Variants in C3orf52 observed in about 807,000 individuals in gnomAD.
The protein encoded by C3orf52 is TPA-induced transmembrane protein.
In C3orf52, 22 loss-of-function variants were observed where a neutral mutation model predicts 24.8. The observed-to-expected ratio is 0.89, with a 90% CI of 0.63 to 1.27. The LOEUF is 1.27. C3orf52 is among the 50% of genes most tolerant of loss of function. The pLI is 0.00. For synonymous variants in C3orf52, 93 were observed against 100.2 expected (o/e 0.93, Z 0.43); for missense variants, 265 against 260.7 (o/e 1.02, Z -0.11).
chr3:112,116,107 G>A (rs1221661120), intron 5 of C3orf52, among the ~76,000 whole-genome samples: 1 of 152,164 alleles, frequency 6.6e-6, no homozygotes, highest in Non-Finnish European at 1.5e-5. Context: ...GAGAGAAGAG[G>A]AAAAAGCCCC....
At chr3:112,116,615 T>A in intron 5 of C3orf52, 27 bp from the exon 6 acceptor site, 1 of 1,526,114 alleles carries the variant, frequency 6.6e-7, no homozygotes, top group Non-Finnish European at 8.8e-7. Flanking sequence ...AATCAGTAAC[T>A]TTTGTTCATC....
In C3orf52 at chr3:112,113,051, G is replaced by A. The variant is rs376029195; in HGVS notation, c.555G>A (p.Glu185=). ...TTATGAAGTATATGATGAGTGAGGA[G>A]TTGGTGCTGGGCATTTTGCTACAGG... ...ENFMKYMMSE[E]LVLGILLQDF... The change falls in exon 5 of 6, where the codon GAG becomes GAA. Residue 185 remains glutamate, a synonymous_variant. Transcript: ENST00000264848. 1.2e-6 allele frequency: 2 copies of A among 1,609,854 alleles called. No homozygotes were observed. Among genetic ancestry groups the A allele is most frequent in the Non-Finnish European group, 1.7e-6 (2 of 1,178,168 alleles).
chr3:112,112,982 A>G lies in C3orf52; in HGVS notation c.486A>G (p.Val162=). ...CTTTCAGTGGTGAAAATGCCACAGT[A>G]ACGTATGACCTGCAATTTGGGGTTC... ...IVDFSGENAT[V]TYDLQFGVPS... is the part of the protein sequence containing the mutation. The change falls in exon 5 of 6, where the codon GTA becomes GTG. Residue 162 remains valine, a synonymous_variant. Coordinates refer to ENST00000264848, the MANE Select transcript of C3orf52 (RefSeq NM_024616.3). 6.2e-7 allele frequency: 1 copy of G among 1,607,560 alleles called. No individual in the cohort carries two copies. Among genetic ancestry groups the G allele is most frequent in the Non-Finnish European group, 8.5e-7 (1 of 1,176,830 alleles).
chr3:112,130,765 C>T, downstream of C3orf52: 1 of 513,140 alleles, frequency 1.9e-6, no homozygotes, highest in South Asian at 2.1e-5. Context: ...GATCCTAAAT[C>T]ATCTGATCCC....
chr3:112,103,081 G>A, intron 3 of C3orf52, 116 bp downstream of exon 3: 1 of 864,676 alleles, frequency 1.2e-6, no homozygotes, highest in Non-Finnish European at 1.8e-6. Context: ...TCTTTGTCTG[G>A]ATTTTAGCAG....
chr3:112,106,450 CCCATCCAGCAGCCCG>C (rs1315828676), intron 3 of C3orf52, among the ~76,000 whole-genome samples: 1 of 152,076 alleles, frequency 6.6e-6, no homozygotes, highest in Non-Finnish European at 1.5e-5. Flanking sequence ...ATGATCAGCC[CCCATCCAGCAGCCCG>C]CCAAGAGTTG....
intron 4 of C3orf52, among the ~76,000 whole-genome samples, chr3:112,111,140 C>T (rs1343827672): frequency 5.9e-5 from 9 of 152,140 alleles, no homozygotes; most frequent in Admixed American, 4.6e-4. Context: ...ACCAGGGAGT[C>T]GCAGGTTGCA....
intron 4 of C3orf52, chr3:112,123,692 C>T (rs34879456): frequency 0.031 from 50,095 of 1,614,046 alleles, 979 homozygotes; most frequent in South Asian, 0.07. Flanking sequence ...CAGCAGAGTT[C>T]CCTGATGGCC....
At chr3:112,125,188 C>T in intron 4 of C3orf52, 2 of 1,383,844 alleles carry the variant, frequency 1.4e-6, no homozygotes. Flanking sequence ...GTACTTCTAT[C>T]ATCATCTCAA....
chr3:112,107,407 G>A (rs538767146), intron 3 of C3orf52, among the ~76,000 whole-genome samples: 6 of 152,170 alleles, frequency 3.9e-5, no homozygotes, highest in African/African-American at 1.4e-4. Flanking sequence ...TAGTTCCCGA[G>A]TTTTCTAAAT....
At chr3:112,135,405 G>C (rs1358456285), downstream of C3orf52, 1 of 152,566 alleles carries the variant, frequency 6.6e-6, no homozygotes, top group African/African-American at 2.4e-5. Context: ...ATCTAAAACA[G>C]GCAGGAGAAG....
At chr3:112,103,838 A>G (rs1478923215) in intron 3 of C3orf52, among the ~76,000 whole-genome samples, 1 of 152,238 alleles carries the variant, frequency 6.6e-6, no homozygotes, top group Non-Finnish European at 1.5e-5. Context: ...TTGTGGTGAC[A>G]GCTGGCAGAG....
intron 4 of C3orf52, chr3:112,125,159 C>T (rs1265950445): frequency 4.9e-6 from 5 of 1,030,230 alleles, no homozygotes; most frequent in Non-Finnish European, 7.7e-6. Flanking sequence ...GCCAACTTCT[C>T]CTGCCATTTA....
rs551131483 is a variant in C3orf52 at position 112,105,364 on chromosome 3, C to T, written c.396+2399C>T. 2.0e-5 allele frequency among the ~76,000 whole-genome samples: 3 copies of T among 152,310 alleles called. No individual in the cohort carries two copies. The South Asian group carries it at 6.2e-4, about 32-fold the overall frequency. On this transcript the variant is annotated intron_variant, in intron 3 of 5. Coordinates refer to ENST00000264848, the MANE Select transcript of C3orf52 (RefSeq NM_024616.3). ...TTCGTCAACCAAATATGCTCAGGAA[C>T]AAAAATTAGCACCTAAAGGTATTGC... is the stretch of plus-strand genomic sequence containing the variant.
intron 3 of C3orf52, among the ~76,000 whole-genome samples, chr3:112,105,038 T>G (rs965006541): frequency 1.3e-5 from 2 of 152,202 alleles, no homozygotes; most frequent in Non-Finnish European, 1.5e-5. Flanking sequence ...TGAATGTTCA[T>G]TTTTCATTTT....
At chr3:112,113,262 T>C in intron 5 of C3orf52, 117 bp downstream of exon 5, 1 of 729,548 alleles carries the variant, frequency 1.4e-6, no homozygotes, top group Non-Finnish European at 2.2e-6. Context: ...TGTCAGACTA[T>C]TCATTTATTC....
chr3:112,129,204 A>G (rs1158516516), downstream of C3orf52: 2 of 152,218 alleles, frequency 1.3e-5, no homozygotes, highest in Non-Finnish European at 2.9e-5. Flanking sequence ...GAATCACACC[A>G]AGTTAACAAA....
At chr3:112,090,069 AG>A (rs2107773380) in intron 1 of C3orf52, among the ~76,000 whole-genome samples, 1 of 152,336 alleles carries the variant, frequency 6.6e-6, no homozygotes, top group African/African-American at 2.4e-5. Context: ...CCAGTGAAGA[AG>A]GCAGTGTGTC....
chr3:112,102,809 T>C, intron 2 of C3orf52, 29 bp from the exon 3 acceptor site: 1 of 1,528,398 alleles, frequency 6.5e-7, no homozygotes, highest in African/African-American at 1.4e-5. Flanking sequence ...ACTTTTGTTT[T>C]TCATTTCCAC....
Sources: allele counts gnomAD v4.1 joint callset (sites outside exome capture counted in the v4.1 genomes callset), GRCh38; gene constraint gnomAD v4.1.1; transcripts MANE v1.5; gene names NCBI Gene and HGNC (gene_info 2026-07-23, HGNC 2026-07-21).